Variants in TSHZ2 observed in about 807,000 individuals in gnomAD.
TSHZ2 encodes teashirt homolog 2.
TSHZ2 carries 21 observed loss-of-function variants against 74.4 expected under a neutral mutation model. The ratio of observed to expected loss-of-function variants is 0.28; its 90% CI spans 0.20 to 0.41. The LOEUF is 0.41. TSHZ2 is among the 10% of genes least tolerant of loss of function. The pLI, the probability that TSHZ2 is intolerant of heterozygous loss-of-function variation, is 1.00. For synonymous variants in TSHZ2, 540 were observed against 515.3 expected, an observed-to-expected ratio of 1.05 and a Z score of -0.65; for missense variants, 1,244 against 1,293.5, an observed-to-expected ratio of 0.96 and a Z score of 0.59.
At chr20:53,351,537 T>A (rs1980646685) in intron 2 of TSHZ2, among the ~76,000 whole-genome samples, 1 of 152,240 alleles carries the variant, frequency 6.6e-6, no homozygotes, top group Admixed American at 6.5e-5. Context: ...AAAAATTAAC[T>A]CAATTATCAT....
chr20:53,014,969 G>A (rs1982982696), intron 1 of TSHZ2, among the ~76,000 whole-genome samples: 1 of 152,150 alleles, frequency 6.6e-6, no homozygotes, highest in South Asian at 2.1e-4. Flanking sequence ...TCTTTGCCCT[G>A]TCTCTCCTCT....
intron 1 of TSHZ2, among the ~76,000 whole-genome samples, chr20:53,077,334 C>G (rs1393765300): frequency 6.6e-6 from 1 of 151,612 alleles, no homozygotes; most frequent in African/African-American, 2.4e-5. Flanking sequence ...CCATTTGAAC[C>G]CTGGAGGCAA....
chr20:53,395,599 G>T (rs1982416261), intron 2 of TSHZ2, among the ~76,000 whole-genome samples: 1 of 152,218 alleles, frequency 6.6e-6, no homozygotes, highest in African/African-American at 2.4e-5. Context: ...AATTCAAGAG[G>T]TTAGAAATAA....
intron 2 of TSHZ2, among the ~76,000 whole-genome samples, chr20:53,470,920 C>T (rs6013698): frequency 0.2 from 30,648 of 152,130 alleles, 3,274 homozygotes; most frequent in East Asian, 0.29. Context: ...TGACCTATCA[C>T]TGAATCACCC....
intron 1 of TSHZ2, among the ~76,000 whole-genome samples, chr20:53,116,509 G>A (rs151123402): frequency 5.3e-5 from 8 of 152,066 alleles, no homozygotes; most frequent in African/African-American, 9.6e-5. Context: ...TCCACCCCAC[G>A]GCTGGTACAC....
intron 2 of TSHZ2, among the ~76,000 whole-genome samples, chr20:53,470,002 G>A (rs1384573167): frequency 1.3e-5 from 2 of 152,232 alleles, no homozygotes; most frequent in East Asian, 1.9e-4. Flanking sequence ...TAACTCAACC[G>A]TTCTGAGGTT....
chr20:52,987,550 C>T (rs776269738), intron 1 of TSHZ2, among the ~76,000 whole-genome samples: 19 of 151,370 alleles, frequency 1.3e-4, no homozygotes, highest in Non-Finnish European at 1.9e-4. Context: ...TCTCTCTCCC[C>T]TACCCCCAAA....
chr20:53,338,057 G>A lies in TSHZ2; in HGVS notation c.*8+81486G>A, dbSNP rs566132545. On this transcript the variant is annotated intron_variant, in intron 2 of 2. Transcript: ENST00000371497. The stretch of plus-strand genomic sequence containing the variant: ...TCTCTGACCCTCCATCTCCTCACCT[G>A]CAGAGCAGGGACACACCATAGTGTG... Among the ~76,000 whole-genome samples the A allele has an allele frequency of 2.6e-4, 40 of 152,320 alleles. No homozygotes were observed. In the South Asian group the frequency reaches 7.7e-3, roughly 29 times the overall value.
chr20:53,003,715 C>T (rs1440926749), intron 1 of TSHZ2, among the ~76,000 whole-genome samples: 4 of 152,142 alleles, frequency 2.6e-5, no homozygotes, highest in Admixed American at 6.5e-5. Context: ...CTGACTGATC[C>T]GTTGTCTGTG....
At chr20:53,229,463 TATTAA>T (rs1989767898) in intron 1 of TSHZ2, among the ~76,000 whole-genome samples, 1 of 152,220 alleles carries the variant, frequency 6.6e-6, no homozygotes, top group African/African-American at 2.4e-5. Flanking sequence ...ACTGTATGCC[TATTAA>T]ATTGTGTGAT....
intron 1 of TSHZ2, among the ~76,000 whole-genome samples, chr20:53,177,035 T>C (rs2123500072): frequency 6.6e-6 from 1 of 152,270 alleles, no homozygotes; most frequent in South Asian, 2.1e-4. Flanking sequence ...GTAGAAATTA[T>C]ATTGTAGAAA....
In TSHZ2 at chr20:53,480,754, A is replaced by T. The variant is rs372235949; in HGVS notation, c.*9-6390A>T. ...AAAATGGGAGTGTCGCATAAGAACA[A>T]CAGCAGAGAGTGAAGAGAGAAGGGG... On this transcript the variant is annotated intron_variant, in intron 2 of 2. Transcript: ENST00000371497. Among the ~76,000 whole-genome samples the T allele has an allele frequency of 4.1e-4, 63 of 152,060 alleles. 1 individual carries two copies. The highest frequency in any genetic ancestry group is 3.9e-3 in the Admixed American group (59 of 15,268).
chr20:53,297,392 G>T (rs2145473444), intron 2 of TSHZ2, among the ~76,000 whole-genome samples: 1 of 152,090 alleles, frequency 6.6e-6, no homozygotes, highest in Admixed American at 6.6e-5. Context: ...TGGGACCACA[G>T]GTGTGCACCA....
intron 2 of TSHZ2, among the ~76,000 whole-genome samples, chr20:53,316,003 C>T (rs1480530218): frequency 6.6e-6 from 1 of 152,022 alleles, no homozygotes; most frequent in Non-Finnish European, 1.5e-5. Context: ...ATAATAAGAC[C>T]CCTTGGAAGG....
intron 2 of TSHZ2, among the ~76,000 whole-genome samples, chr20:53,369,658 C>A (rs1192488861): frequency 6.6e-6 from 1 of 151,812 alleles, no homozygotes; most frequent in Admixed American, 6.6e-5. Flanking sequence ...TTGCAGTGGG[C>A]GGAGATGGAA....
intron 1 of TSHZ2, among the ~76,000 whole-genome samples, chr20:53,126,198 T>C (rs1986943001): frequency 2.0e-5 from 3 of 152,204 alleles, no homozygotes; most frequent in Admixed American, 2.0e-4. Context: ...TCTAGATCTT[T>C]TGGCACATAA....
intron 2 of TSHZ2, among the ~76,000 whole-genome samples, chr20:53,280,458 T>C (rs532700453): frequency 1.3e-5 from 2 of 152,218 alleles, no homozygotes; most frequent in South Asian, 4.2e-4. Context: ...TAATGTGACT[T>C]GAGTATGAAA....
At chr20:53,299,832 C>G (rs1407490360) in intron 2 of TSHZ2, among the ~76,000 whole-genome samples, 1 of 152,162 alleles carries the variant, frequency 6.6e-6, no homozygotes, top group Non-Finnish European at 1.5e-5. Flanking sequence ...CTCAGAGACA[C>G]CAACTTCTAA....
At chr20:53,478,659 A>AAAAT (rs917041501) in intron 2 of TSHZ2, among the ~76,000 whole-genome samples, 1 of 145,406 alleles carries the variant, frequency 6.9e-6, no homozygotes, top group Admixed American at 6.8e-5. Context: ...ACTTTAATAA[A>AAAAT]AAATAAATAA....
Sources: allele counts gnomAD v4.1 joint callset (sites outside exome capture counted in the v4.1 genomes callset), GRCh38; gene constraint gnomAD v4.1.1; transcripts MANE v1.5; gene names NCBI Gene and HGNC (gene_info 2026-07-23, HGNC 2026-07-21).